Variants in CDH23 observed in about 807,000 individuals in gnomAD.
CDH23 encodes the protein cadherin related 23, also known as cadherin-23.
A neutral mutation model predicts 317.1 loss-of-function variants in CDH23; 189 were observed. The observed-to-expected ratio is 0.60, with a 90% CI of 0.53 to 0.67. The LOEUF (loss-of-function observed/expected upper bound fraction) is 0.67, where lower values mean the gene tolerates loss of function less well. Ranked by LOEUF, CDH23 falls within the 30% of genes least tolerant of loss-of-function variation. The pLI, the probability that CDH23 is intolerant of heterozygous loss-of-function variation, is 0.00. For synonymous variants in CDH23, 1,839 were observed against 1,876.8 expected (o/e 0.98, Z 0.52); for missense variants, 4,401 against 4,592.4 (o/e 0.96, Z 1.20).
At chr10:71,534,065 G>A (rs933160591) in intron 6 of CDH23, among the ~76,000 whole-genome samples, 3 of 152,064 alleles carry the variant, frequency 2.0e-5, no homozygotes, top group African/African-American at 7.2e-5. Flanking sequence ...TCCTAAGTGT[G>A]TCAGGCTGTC....
In CDH23 at chr10:71,790,335, G is replaced by C. The variant is rs763911648; in HGVS notation, c.5971G>C (p.Asp1991His). Residue 1991 changes from aspartate (D) to histidine (H), a missense_variant, in exon 46 of 70, where the codon GAC becomes CAC. Asp to His is a moderately conservative substitution (Grantham distance 81). This residue lies in a region of CDH23 where 3,068 missense variants were observed against 3,203.3 expected (regional missense o/e 0.96). Coordinates refer to ENST00000224721, the MANE Select transcript of CDH23 (RefSeq NM_022124.6). The part of the protein sequence containing the change: ...LNGPILALDA[D>H]QDIYAVVTYQ... ...TGGGCCCATCCTGGCCCTGGATGCA[G>C]ACCAAGACATCTACGCCGTGGTGAC... The C allele has an allele frequency of 1.9e-6, 3 of 1,613,768 alleles. No individual in the cohort carries two copies. The African/African-American group carries it at 4.0e-5, about 22-fold the overall frequency.
chr10:71,510,954 A>G lies in CDH23; in HGVS notation c.289A>G (p.Thr97Ala). ...VWLRQPLDRE[T>A]KSEFTVEFSV... ...CCTCCCTCTCTCACTTTTCTTTCAG[A>G]CCAAGTCAGAGTTCACCGTGGAGTT... is the stretch of plus-strand genomic sequence containing the variant. The change falls in exon 5 of 70, where the codon ACC becomes GCC. Residue 97 changes from threonine (T) to alanine (A), a missense_variant and splice_region_variant. By Grantham distance (58) the Thr-to-Ala change is moderately conservative. Transcript: ENST00000224721. 1 of 1,613,716 alleles carries G rather than the reference A, an allele frequency of 6.2e-7. No homozygotes were observed. The highest frequency in any genetic ancestry group is 8.5e-7 in the Non-Finnish European group (1 of 1,179,808).
At chr10:71,485,216 G>A (rs1047558380) in intron 3 of CDH23, among the ~76,000 whole-genome samples, 2 of 151,868 alleles carry the variant, frequency 1.3e-5, no homozygotes, top group South Asian at 2.1e-4. Context: ...TAGTAGAGAC[G>A]GGGTTTCACC....
At chr10:71,507,782 T>C (rs981373936) in intron 3 of CDH23, among the ~76,000 whole-genome samples, 1 of 152,248 alleles carries the variant, frequency 6.6e-6, no homozygotes, top group East Asian at 1.9e-4. Flanking sequence ...CACCGGGCAA[T>C]GCAAACGCTT....
At chr10:71,637,839 AC>A (rs1222039849) in intron 11 of CDH23, among the ~76,000 whole-genome samples, 142 of 92,844 alleles carry the variant, frequency 1.5e-3, no homozygotes, top group African/African-American at 5.4e-3. Context: ...GCATCCCCCT[AC>A]CCCCCGACCC....
chr10:71,701,065 TG>T (rs1313086671), intron 22 of CDH23, among the ~76,000 whole-genome samples: 3 of 152,162 alleles, frequency 2.0e-5, no homozygotes, highest in African/African-American at 7.2e-5. Context: ...CCACTGATCT[TG>T]TCCACCCCTG....
chr10:71,691,835 G>A (rs757230095), intron 20 of CDH23, among the ~76,000 whole-genome samples: 24 of 152,212 alleles, frequency 1.6e-4, no homozygotes, highest in Non-Finnish European at 3.4e-4. Context: ...ATCCCTCCAC[G>A]TTGGAAGTCA....
At chr10:71,491,761 GT>G (rs1852673661) in intron 3 of CDH23, among the ~76,000 whole-genome samples, 1 of 152,212 alleles carries the variant, frequency 6.6e-6, no homozygotes, top group Non-Finnish European at 1.5e-5. Flanking sequence ...GAGAGCAGGA[GT>G]TTAGCCCCAA....
At chr10:71,603,018 C>T (rs1860319056) in intron 9 of CDH23, among the ~76,000 whole-genome samples, 1 of 152,304 alleles carries the variant, frequency 6.6e-6, no homozygotes, top group South Asian at 2.1e-4. Context: ...AGACGGTGGG[C>T]TCCCTGGGGG....
At position 71,813,217 on chromosome 10, in the gene CDH23, T is replaced by G. The variant is rs942824210; in HGVS notation, c.9634-27T>G. The G allele has an allele frequency of 1.0e-5, 16 of 1,545,398 alleles. No homozygotes were observed. In the East Asian group the frequency reaches 2.4e-4, roughly 24 times the overall value. On this transcript the variant is annotated intron_variant, in intron 68 of 69. Transcript: ENST00000224721. The stretch of plus-strand genomic sequence containing the variant: ...CGGGGCAGGCAGGGGAGGGCCTTGG[T>G]GGGGGTTAACCCTTTCCCTCCCCCA...
chr10:71,402,642 G>A (rs1048922032), intron 1 of CDH23, among the ~76,000 whole-genome samples: 1 of 152,084 alleles, frequency 6.6e-6, no homozygotes, highest in African/African-American at 2.4e-5. Context: ...CTAGTAAAGA[G>A]GTGAAAACTC....
At chr10:71,561,007 G>A (rs551542804) in intron 6 of CDH23, among the ~76,000 whole-genome samples, 1 of 152,246 alleles carries the variant, frequency 6.6e-6, no homozygotes, top group African/African-American at 2.4e-5. Context: ...GAAGGGAGCA[G>A]GTGCACCCTA....
At chr10:71,511,083 A>G in intron 5 of CDH23, 37 bp from the exon 6 acceptor site, 1 of 1,611,596 alleles carries the variant, frequency 6.2e-7, no homozygotes, top group Non-Finnish European at 8.5e-7. Flanking sequence ...GGCCAGAGTC[A>G]GGTGGCGGCG....
At chr10:71,649,846 G>A (rs1372946338) in intron 14 of CDH23, among the ~76,000 whole-genome samples, 3 of 152,212 alleles carry the variant, frequency 2.0e-5, no homozygotes, top group Non-Finnish European at 4.4e-5. Flanking sequence ...TTAAGTAGGC[G>A]CTGTTATTCT....
At chr10:71,438,006 G>A (rs112006120) in intron 1 of CDH23, among the ~76,000 whole-genome samples, 4,000 of 152,278 alleles carry the variant, frequency 0.026, 183 homozygotes, top group African/African-American at 0.09. Context: ...AGGATGTGTA[G>A]GGGGAAGAGT....
At chr10:71,760,780 G>T in intron 38 of CDH23, 1 of 1,283,164 alleles carries the variant, frequency 7.8e-7, no homozygotes, top group Non-Finnish European at 1.1e-6. Flanking sequence ...TTGGGGTGAT[G>T]AGGCCAGAGT....
chr10:71,563,894 A>G (rs1292365164), intron 6 of CDH23, among the ~76,000 whole-genome samples: 2 of 151,978 alleles, frequency 1.3e-5, no homozygotes, highest in African/African-American at 4.8e-5. Flanking sequence ...GATTACAGGC[A>G]CGCACCACCA....
chr10:71,672,281 C>G (rs866321578), intron 14 of CDH23, among the ~76,000 whole-genome samples: 5 of 152,010 alleles, frequency 3.3e-5, no homozygotes, highest in African/African-American at 1.2e-4. Context: ...CATTCAGGGC[C>G]GACAATGTGT....
At chr10:71,603,329 A>G (rs1301836426) in intron 9 of CDH23, among the ~76,000 whole-genome samples, 2 of 152,160 alleles carry the variant, frequency 1.3e-5, no homozygotes, top group Non-Finnish European at 2.9e-5. Context: ...CAGATCATCA[A>G]ATATCAAACA....
Sources: gnomAD v4.1 joint callset for allele counts (sites outside exome capture counted in the v4.1 genomes callset) on GRCh38, gnomAD v4.1.1 for gene constraint, gnomAD v4.1.1 regional missense constraint, MANE v1.5 for transcripts, NCBI Gene and HGNC (gene_info 2026-07-23, HGNC 2026-07-21) for gene names.